ZNF609: variants seen among roughly 807,000 people sequenced by gnomAD.
ZNF609 encodes the protein zinc finger protein 609.
ZNF609 carries 11 observed loss-of-function variants against 109.5 expected under a neutral mutation model. The ratio of observed to expected loss-of-function variants is 0.10; its 90% confidence interval spans 0.06 to 0.17. The LOEUF (loss-of-function observed/expected upper bound fraction) is 0.17. Among genes scored for constraint, ZNF609 ranks in the 10% least tolerant of loss-of-function variants. The pLI is 1.00. For missense variants in ZNF609, 1,559 were observed against 1,772.4 expected (o/e 0.88, Z 2.16); for synonymous variants, 646 against 662.0 (o/e 0.98, Z 0.37).
intron 2 of ZNF609, among the ~76,000 whole-genome samples, chr15:64,610,004 G>C (rs1427566551): frequency 1.3e-5 from 2 of 151,434 alleles, no homozygotes; most frequent in African/African-American, 4.9e-5. Flanking sequence ...AGCATGAGAT[G>C]CTATCTCAAA....
chr15:64,671,958 T>TG (rs1292611778), intron 4 of ZNF609, among the ~76,000 whole-genome samples: 1 of 151,812 alleles, frequency 6.6e-6, no homozygotes, highest in Non-Finnish European at 1.5e-5. Context: ...GGGCTATTTA[T>TG]GCCTCTTAAT....
At chr15:64,514,609 C>G (rs1385396375) in intron 2 of ZNF609, among the ~76,000 whole-genome samples, 1 of 151,994 alleles carries the variant, frequency 6.6e-6, no homozygotes, top group Non-Finnish European at 1.5e-5. Flanking sequence ...AGCCTCTTCT[C>G]ACTTTCACCT....
chr15:64,545,934 C>G (rs1894351764), intron 2 of ZNF609, among the ~76,000 whole-genome samples: 1 of 152,150 alleles, frequency 6.6e-6, no homozygotes, highest in African/African-American at 2.4e-5. Context: ...TTTCCAACTT[C>G]TGGCTATTAT....
intron 2 of ZNF609, among the ~76,000 whole-genome samples, chr15:64,561,277 T>G (rs1894675881): frequency 6.6e-6 from 1 of 152,192 alleles, no homozygotes; most frequent in African/African-American, 2.4e-5. Context: ...TTTCTGATAT[T>G]GTCATCTTGT....
chr15:64,500,333 G>T lies in ZNF609; in HGVS notation c.747+167G>T, dbSNP rs16948021. The T allele has an allele frequency of 0.037, 36,686 of 982,596 alleles. 3,608 individuals are homozygous for T. In the East Asian group the frequency reaches 0.41, roughly 11 times the overall value. The allele number at this position is 982,596 out of a possible 1,614,324, so 60.9% of individuals were successfully genotyped here. On this transcript the variant is annotated intron_variant, in intron 2 of 9. Coordinates refer to ENST00000326648, the MANE Select transcript of ZNF609 (RefSeq NM_015042.2). ...GATAATGTGGTTTTCTTCCAAATTA[G>T]AGGATTCCCCTACAGACTCATTTAC... is the stretch of plus-strand genomic sequence containing the variant.
At chr15:64,640,022 C>T (rs1388374222) in intron 3 of ZNF609, among the ~76,000 whole-genome samples, 1 of 152,028 alleles carries the variant, frequency 6.6e-6, no homozygotes, top group African/African-American at 2.4e-5. Context: ...TGGGTTCAAG[C>T]GATTCTCTTG....
intron 2 of ZNF609, among the ~76,000 whole-genome samples, chr15:64,621,633 G>A (rs1220480284): frequency 1.3e-5 from 2 of 152,062 alleles, no homozygotes; most frequent in South Asian, 2.1e-4. Context: ...TAGGACTACA[G>A]GCATGAGCCA....
chr15:64,616,998 G>A (rs1406553944), intron 2 of ZNF609, among the ~76,000 whole-genome samples: 1 of 150,144 alleles, frequency 6.7e-6, no homozygotes, highest in East Asian at 2.0e-4. Flanking sequence ...AGTAGAGATG[G>A]GGTTTCACCA....
chr15:64,658,173 G>A (rs897428727), intron 3 of ZNF609, among the ~76,000 whole-genome samples: 1 of 151,964 alleles, frequency 6.6e-6, no homozygotes, highest in Non-Finnish European at 1.5e-5. Context: ...TTGGTCTCAG[G>A]ACCCCTTTTC....
chr15:64,463,934 C>T (rs1892976625), intron 1 of ZNF609, among the ~76,000 whole-genome samples: 1 of 152,068 alleles, frequency 6.6e-6, no homozygotes, highest in Non-Finnish European at 1.5e-5. Context: ...TAAATTTGTC[C>T]TGATTAGATT....
rs2040576320 is a variant in ZNF609 at position 64,499,350 on chromosome 15, T to C, written c.-70T>C. 2.6e-6 allele frequency: 4 copies of C among 1,563,464 alleles called. No individual in the cohort carries two copies. Among genetic ancestry groups the C allele is most frequent in the Non-Finnish European group, 3.5e-6 (4 of 1,155,710 alleles). On this transcript the variant is annotated 5_prime_UTR_variant, in exon 2 of 10. Coordinates refer to ENST00000326648, the MANE Select transcript of ZNF609 (RefSeq NM_015042.2). ...AATGTGGCAGGTCTGAGAACATAGC[T>C]GAAGCTGAAAATAGGAAAGCTGGGG...
At chr15:64,670,469 G>C in intron 4 of ZNF609, 36 bp downstream of exon 4, 1 of 1,547,750 alleles carries the variant, frequency 6.5e-7, no homozygotes, top group Non-Finnish European at 8.9e-7. Flanking sequence ...ATATTATTCT[G>C]AACCACACTA....
rs1460894398 is a variant in ZNF609, at chr15:64,601,819, C to CTG, written c.748-21007_748-21006insGT. ...CCTAGAACAGGATATAAACAAATCA[C>CTG]TTGTGAACTACTTGTTCTCTCCTTC... On this transcript the variant is annotated intron_variant, in intron 2 of 9. Coordinates refer to ENST00000326648, the MANE Select transcript of ZNF609 (RefSeq NM_015042.2). 1.4e-4 allele frequency among the ~76,000 whole-genome samples: 21 copies of CTG among 152,318 alleles called. No homozygotes were observed. In the East Asian group the frequency reaches 4.0e-3, roughly 29 times the overall value.
At chr15:64,539,780 A>G (rs1335930633) in intron 2 of ZNF609, among the ~76,000 whole-genome samples, 2 of 152,100 alleles carry the variant, frequency 1.3e-5, no homozygotes, top group Admixed American at 6.5e-5. Flanking sequence ...GGCCTGAGCC[A>G]CTACGCCCAG....
intron 2 of ZNF609, among the ~76,000 whole-genome samples, chr15:64,572,160 TA>T (rs1424599592): frequency 1.3e-5 from 2 of 152,174 alleles, no homozygotes; most frequent in African/African-American, 4.8e-5. Context: ...CATGGTTCTG[TA>T]AACAAAAATG....
intron 1 of ZNF609, among the ~76,000 whole-genome samples, chr15:64,479,417 A>G (rs1311748516): frequency 6.8e-6 from 1 of 148,036 alleles, no homozygotes. Flanking sequence ...TCAGCCTGCC[A>G]AGTAGCTGAG....
intron 3 of ZNF609, chr15:64,631,380 C>T (rs1896073869): frequency 9.7e-6 from 7 of 724,500 alleles, no homozygotes; most frequent in South Asian, 4.1e-5. Flanking sequence ...ATGCCAACAG[C>T]GTGCTGGGGG....
At chr15:64,662,128 A>AG (rs1185846550) in intron 3 of ZNF609, among the ~76,000 whole-genome samples, 1 of 152,168 alleles carries the variant, frequency 6.6e-6, no homozygotes, top group South Asian at 2.1e-4. Context: ...CTATTGGCAG[A>AG]GGGCTTCAGT....
At chr15:64,612,805 A>G (rs561126780) in intron 2 of ZNF609, among the ~76,000 whole-genome samples, 1 of 152,140 alleles carries the variant, frequency 6.6e-6, no homozygotes, top group East Asian at 1.9e-4. Context: ...ACTTGAGGTC[A>G]GGAGTTTGAG....
Sources: allele counts gnomAD v4.1 joint callset (sites outside exome capture counted in the v4.1 genomes callset), GRCh38; gene constraint gnomAD v4.1.1; transcripts MANE v1.5; gene names NCBI Gene and HGNC (gene_info 2026-07-23, HGNC 2026-07-21).